Variants in ABCC9 observed in about 807,000 individuals in gnomAD.
ABCC9 encodes the protein ATP-binding cassette sub-family C member 9.
A neutral mutation model predicts 188.3 loss-of-function variants in ABCC9; 95 were observed. That is an observed-to-expected ratio of 0.50 (90% confidence interval 0.43 to 0.60). The LOEUF (loss-of-function observed/expected upper bound fraction) is 0.60, where lower values mean the gene tolerates loss of function less well. Among genes scored for constraint, ABCC9 ranks in the 20% least tolerant of loss-of-function variants. The pLI is 0.00. For synonymous variants in ABCC9, 659 were observed against 652.7 expected (o/e 1.01, Z -0.15); for missense variants, 1,102 against 1,876.3 (o/e 0.59, Z 7.62).
chr12:21,917,357 A>G (rs1371096066), intron 5 of ABCC9, among the ~76,000 whole-genome samples: 2 of 152,218 alleles, frequency 1.3e-5, no homozygotes, highest in Non-Finnish European at 2.9e-5. Flanking sequence ...GTAAAGAGAT[A>G]TATAATAGGA....
At chr12:21,854,910 A>G (rs1404900771) in intron 22 of ABCC9, among the ~76,000 whole-genome samples, 3 of 152,174 alleles carry the variant, frequency 2.0e-5, no homozygotes, top group Non-Finnish European at 4.4e-5. Context: ...TTACACTGAC[A>G]AAAGTGTCTC....
At chr12:21,844,941 A>T in intron 26 of ABCC9, 26 bp from the exon 27 acceptor site, 2 of 1,612,788 alleles carry the variant, frequency 1.2e-6, no homozygotes, top group Non-Finnish European at 1.7e-6. Context: ...CACAAAAAGC[A>T]CATAGGAAAT....
chr12:21,870,646 A>G (rs1946023131), intron 18 of ABCC9, among the ~76,000 whole-genome samples: 1 of 152,168 alleles, frequency 6.6e-6, no homozygotes, highest in Non-Finnish European at 1.5e-5. Flanking sequence ...TTCTTTGCCT[A>G]GCTTTCATGA....
intron 13 of ABCC9, 119 bp downstream of exon 13, chr12:21,895,156 C>T: frequency 1.2e-6 from 1 of 842,868 alleles, no homozygotes; most frequent in Non-Finnish European, 2.0e-6. Flanking sequence ...ATGGAGACTG[C>T]CATAGAGAGA....
At chr12:21,818,058 G>A (rs1401405818) in intron 32 of ABCC9, 92 bp downstream of exon 32, 16 of 897,750 alleles carry the variant, frequency 1.8e-5, no homozygotes, top group Middle Eastern at 2.3e-4. Flanking sequence ...CCCTCTCTGT[G>A]CTCATGTGTT....
At chr12:21,833,521 G>C (rs1455708312) in intron 30 of ABCC9, among the ~76,000 whole-genome samples, 1 of 152,040 alleles carries the variant, frequency 6.6e-6, no homozygotes, top group African/African-American at 2.4e-5. Flanking sequence ...TGAAAAATCT[G>C]AATCTTGACT....
intron 29 of ABCC9, among the ~76,000 whole-genome samples, chr12:21,841,461 C>T (rs956542094): frequency 2.7e-5 from 4 of 146,106 alleles, no homozygotes; most frequent in Admixed American, 1.4e-4. Context: ...CGGGTTCAAG[C>T]GATTCTACTG....
At position 21,910,780 on chromosome 12, in the gene ABCC9, A is replaced by G. The variant is rs373879877; in HGVS notation, c.1164+46T>C. The G allele has an allele frequency of 5.5e-5, 85 of 1,540,222 alleles. No individual in the cohort carries two copies. The Admixed American group carries it at 1.0e-3, about 18-fold the overall frequency. On this transcript the variant is annotated intron_variant, in intron 9 of 39. Coordinates refer to ENST00000261200, the MANE Select transcript of ABCC9 (RefSeq NM_020297.4). ...ACCGCTATTCTTTTCACTGAATGGTATATAGCATTCTTAGGAAACAAATAG... is the reference window on the plus strand; with the variant it reads ...ACCGCTATTCTTTTCACTGAATGGTGTATAGCATTCTTAGGAAACAAATAG...
At chr12:21,897,428 C>T (rs764878730) in intron 12 of ABCC9, among the ~76,000 whole-genome samples, 30 of 152,104 alleles carry the variant, frequency 2.0e-4, no homozygotes, top group Non-Finnish European at 2.4e-4. Flanking sequence ...GTATTATTTT[C>T]GTTTAACCTG....
chr12:21,877,865 G>A (rs1398950328), intron 16 of ABCC9, among the ~76,000 whole-genome samples: 1 of 152,174 alleles, frequency 6.6e-6, no homozygotes, highest in Non-Finnish European at 1.5e-5. Context: ...GGCCATGCTG[G>A]CCTATATCAT....
intron 29 of ABCC9, among the ~76,000 whole-genome samples, chr12:21,838,514 G>A (rs1030038947): frequency 6.6e-6 from 1 of 152,148 alleles, no homozygotes; most frequent in African/African-American, 2.4e-5. Context: ...GAATTTAGGC[G>A]AGACCTTAAG....
At chr12:21,890,733 C>T (rs910211844) in intron 14 of ABCC9, among the ~76,000 whole-genome samples, 3 of 151,566 alleles carry the variant, frequency 2.0e-5, no homozygotes, top group Non-Finnish European at 2.9e-5. Flanking sequence ...AAAAACGAAA[C>T]ACCGCATGTT....
At chr12:21,836,585 G>T (rs548299779) in intron 30 of ABCC9, among the ~76,000 whole-genome samples, 1 of 152,194 alleles carries the variant, frequency 6.6e-6, no homozygotes, top group Admixed American at 6.5e-5. Context: ...CTCTGACACA[G>T]TTGTTTCTTG....
intron 18 of ABCC9, among the ~76,000 whole-genome samples, chr12:21,865,908 A>C (rs1219255043): frequency 6.6e-6 from 1 of 152,076 alleles, no homozygotes; most frequent in East Asian, 1.9e-4. Flanking sequence ...AAGGGCTGAG[A>C]CAGGTGGGGT....
chr12:21,824,290 C>A (rs1391639493), intron 31 of ABCC9, among the ~76,000 whole-genome samples: 1 of 152,070 alleles, frequency 6.6e-6, no homozygotes, highest in Non-Finnish European at 1.5e-5. Context: ...TGATGGATTA[C>A]GTTTATTGAT....
intron 30 of ABCC9, among the ~76,000 whole-genome samples, chr12:21,837,321 GTCTC>G (rs1944154665): frequency 6.6e-6 from 1 of 152,100 alleles, no homozygotes; most frequent in South Asian, 2.1e-4. Flanking sequence ...GTGGATAGTT[GTCTC>G]TCTATATTCT....
chr12:21,895,254 A>G (rs757999876), intron 13 of ABCC9, 21 bp downstream of exon 13: 3 of 1,606,784 alleles, frequency 1.9e-6, no homozygotes, highest in Non-Finnish European at 1.7e-6. Context: ...TCATTTCTAA[A>G]AGAGAGAAAA....
At chr12:21,815,952 G>A (rs1942586255) in intron 33 of ABCC9, 59 bp from the exon 34 acceptor site, 1 of 1,303,836 alleles carries the variant, frequency 7.7e-7, no homozygotes, top group Admixed American at 1.9e-5. Flanking sequence ...GATGTAGAAA[G>A]AAATGTATAC....
At chr12:21,900,085 C>T (rs192707130) in intron 12 of ABCC9, among the ~76,000 whole-genome samples, 38 of 152,286 alleles carry the variant, frequency 2.5e-4, no homozygotes, top group East Asian at 2.3e-3. Context: ...ACACCTCACA[C>T]GGCCGGGTAC....
Sources: allele counts gnomAD v4.1 joint callset (sites outside exome capture counted in the v4.1 genomes callset), GRCh38; gene constraint gnomAD v4.1.1; transcripts MANE v1.5; gene names NCBI Gene and HGNC (gene_info 2026-07-23, HGNC 2026-07-21).